The following PARD3B variants were observed in gnomAD, a reference collection of about 807,000 sequenced individuals.
PARD3B encodes the protein partitioning defective 3 homolog B.
PARD3B carries 103 observed loss-of-function variants against 130.2 expected under a neutral mutation model. The observed-to-expected ratio is 0.79, with a 90% CI of 0.67 to 0.93. The LOEUF (loss-of-function observed/expected upper bound fraction) is 0.93. Among genes scored for constraint, PARD3B ranks in the 40% least tolerant of loss-of-function variants. The pLI, the probability that PARD3B is intolerant of heterozygous loss-of-function variation, is 0.00. For synonymous variants in PARD3B, 583 were observed against 553.2 expected, an observed-to-expected ratio of 1.05 and a Z score of -0.76; for missense variants, 1,609 against 1,499.2, an observed-to-expected ratio of 1.07 and a Z score of -1.21.
Position 205,334,032 on chromosome 2 carries a change from T to G in PARD3B, c.2630+32331T>G, listed in dbSNP as rs530863482. Among the ~76,000 whole-genome samples, 87 of 152,320 alleles carry G rather than the reference T, an allele frequency of 5.7e-4. 1 individual carries two copies. The highest frequency in any genetic ancestry group is 2.0e-3 in the African/African-American group (82 of 41,574). On this transcript the variant is annotated intron_variant, in intron 18 of 22. Coordinates refer to ENST00000406610, the MANE Select transcript of PARD3B (RefSeq NM_001302769.2). ...TCTTTTGGAAAATGTAGACCTCTTT[T>G]TCCTACCCCGTTAGCAACAGTGATT... is the stretch of plus-strand genomic sequence containing the variant.
intron 2 of PARD3B, among the ~76,000 whole-genome samples, chr2:204,730,478 A>G (rs1358921879): frequency 1.3e-5 from 2 of 151,624 alleles, no homozygotes; most frequent in African/African-American, 4.9e-5. Context: ...GTAAGGTTCA[A>G]ATTGATGTTA....
chr2:204,979,748 A>G (rs1168541959), intron 3 of PARD3B, among the ~76,000 whole-genome samples: 1 of 152,232 alleles, frequency 6.6e-6, no homozygotes, highest in African/African-American at 2.4e-5. Flanking sequence ...CATTTGGCTT[A>G]CATCATATTT....
At chr2:205,157,158 T>G (rs888969678) in intron 10 of PARD3B, among the ~76,000 whole-genome samples, 1 of 152,236 alleles carries the variant, frequency 6.6e-6, no homozygotes, top group African/African-American at 2.4e-5. Flanking sequence ...AGACTGAAAT[T>G]AAGCAAATCC....
chr2:205,492,002 T>C (rs1384910509), intron 20 of PARD3B, among the ~76,000 whole-genome samples: 3 of 152,204 alleles, frequency 2.0e-5, no homozygotes, highest in Non-Finnish European at 2.9e-5. Flanking sequence ...CTAACTTGCA[T>C]GTTAACCTCT....
In PARD3B at chr2:205,121,707, GTAA is replaced by G. The variant is rs779043260; in HGVS notation, c.928_930del (p.Asn310del). 2.2e-5 allele frequency: 35 copies of G among 1,614,118 alleles called. No homozygotes were observed. The Admixed American group carries it at 4.3e-4, about 20-fold the overall frequency. On this transcript the variant is annotated inframe_deletion, in exon 8 of 23. Coordinates refer to ENST00000406610, the MANE Select transcript of PARD3B (RefSeq NM_001302769.2). The surrounding 1 kb of genome is among the most constrained non-coding windows in gnomAD (Gnocchi z 5.0). ...GTCATTGGCTCTCTTAACATTTTTG[GTAA>G]TAATGATGGCGTTTTGAAAACCAAA...
chr2:205,335,643 A>G (rs199886046), intron 18 of PARD3B, among the ~76,000 whole-genome samples: 15 of 35,232 alleles, frequency 4.3e-4, no homozygotes, highest in South Asian at 3.4e-3. Flanking sequence ...AAGACTGGGG[A>G]AAAAAAAAAA....
intron 2 of PARD3B, among the ~76,000 whole-genome samples, chr2:204,747,090 C>T (rs1441717656): frequency 2.0e-5 from 3 of 152,078 alleles, no homozygotes; most frequent in African/African-American, 7.2e-5. Context: ...AGGTTTTCTT[C>T]TAGGGTTTTT....
At chr2:204,644,908 T>C (rs2035220299) in intron 1 of PARD3B, among the ~76,000 whole-genome samples, 1 of 152,162 alleles carries the variant, frequency 6.6e-6, no homozygotes, top group African/African-American at 2.4e-5. Context: ...CTTTTAAATA[T>C]TGGGAACCAG....
intron 2 of PARD3B, among the ~76,000 whole-genome samples, chr2:204,806,541 A>T (rs2042775215): frequency 6.6e-6 from 1 of 152,158 alleles, no homozygotes; most frequent in African/African-American, 2.4e-5. Context: ...ACTATTTGAG[A>T]CTAAAAGAAA....
chr2:205,403,886 C>T (rs112505028), intron 19 of PARD3B, among the ~76,000 whole-genome samples: 4,403 of 152,240 alleles, frequency 0.029, 111 homozygotes, highest in Middle Eastern at 0.11. Flanking sequence ...GTACCTTCTC[C>T]GAAATATCTT....
At chr2:205,603,225 T>C (rs1464015701) in intron 22 of PARD3B, among the ~76,000 whole-genome samples, 1 of 151,870 alleles carries the variant, frequency 6.6e-6, no homozygotes, top group Non-Finnish European at 1.5e-5. Context: ...GTCTCTGTTA[T>C]GATTTCAATT....
chr2:205,434,983 C>A (rs2047461954), intron 19 of PARD3B, among the ~76,000 whole-genome samples: 1 of 152,016 alleles, frequency 6.6e-6, no homozygotes, highest in African/African-American at 2.4e-5. Flanking sequence ...ATGATGCGTT[C>A]ACTAAAAGCT....
chr2:204,777,292 G>C (rs2041660972), intron 2 of PARD3B, among the ~76,000 whole-genome samples: 1 of 152,076 alleles, frequency 6.6e-6, no homozygotes, highest in African/African-American at 2.4e-5. Flanking sequence ...TAAAAGTATT[G>C]TGCCATCTGG....
At chr2:205,491,003 T>G (rs968343601) in intron 20 of PARD3B, among the ~76,000 whole-genome samples, 7 of 152,216 alleles carry the variant, frequency 4.6e-5, no homozygotes, top group African/African-American at 1.7e-4. Flanking sequence ...ATTCTGGATA[T>G]TAGACCTTTG....
At chr2:205,130,498 G>A (rs935743996) in intron 10 of PARD3B, among the ~76,000 whole-genome samples, 3 of 152,256 alleles carry the variant, frequency 2.0e-5, no homozygotes, top group South Asian at 2.1e-4. Context: ...AGAGAGAGAA[G>A]GAGAAAGTTA....
chr2:205,043,488 A>G (rs1207666035), intron 3 of PARD3B, among the ~76,000 whole-genome samples: 3 of 152,184 alleles, frequency 2.0e-5, no homozygotes, highest in Non-Finnish European at 4.4e-5. Context: ...CAAAGGCTCA[A>G]TCTGTTTGAC....
chr2:205,283,914 C>T (rs534669798), intron 16 of PARD3B, among the ~76,000 whole-genome samples: 1 of 152,090 alleles, frequency 6.6e-6, no homozygotes, highest in Admixed American at 6.5e-5. Flanking sequence ...GCAGAATGCT[C>T]CCCTCTACCC....
intron 21 of PARD3B, 144 bp from the exon 22 acceptor site, chr2:205,553,180 A>G (rs960544750): frequency 7.5e-6 from 5 of 667,088 alleles, no homozygotes; most frequent in African/African-American, 7.2e-5. Context: ...TTCCTATAGC[A>G]ATGTGGAGTT....
At chr2:204,630,562 TG>T (rs1412196797) in intron 1 of PARD3B, among the ~76,000 whole-genome samples, 2 of 152,204 alleles carry the variant, frequency 1.3e-5, no homozygotes, top group African/African-American at 4.8e-5. Flanking sequence ...AAAATTTTTG[TG>T]TATTTGGATG....
Sources: allele counts gnomAD v4.1 joint callset (sites outside exome capture counted in the v4.1 genomes callset), GRCh38; gene constraint gnomAD v4.1.1; non-coding constraint Gnocchi (gnomAD v3.1); transcripts MANE v1.5; gene names NCBI Gene and HGNC (gene_info 2026-07-23, HGNC 2026-07-21).